Variants in CACNB1 observed in about 807,000 individuals in gnomAD.
CACNB1 encodes voltage-dependent L-type calcium channel subunit beta-1.
A neutral mutation model predicts 71.6 loss-of-function variants in CACNB1; 29 were observed. The observed-to-expected ratio is 0.40, with a 90% CI of 0.30 to 0.55. The LOEUF (loss-of-function observed/expected upper bound fraction) is 0.55, where lower values mean the gene tolerates loss of function less well. Among genes scored for constraint, CACNB1 ranks in the 20% least tolerant of loss-of-function variants. CACNB1 has a pLI of 0.38. For missense variants in CACNB1, 623 were observed against 801.8 expected, an observed-to-expected ratio of 0.78 and a Z score of 2.69; for synonymous variants, 300 against 319.6, an observed-to-expected ratio of 0.94 and a Z score of 0.65.
intron 3 of CACNB1, among the ~76,000 whole-genome samples, chr17:39,188,829 G>A (rs2046004567): frequency 6.6e-6 from 1 of 151,876 alleles, no homozygotes; most frequent in Admixed American, 6.6e-5. Context: ...GATCACTTGA[G>A]GTCAAAAGTT....
chr17:39,186,715 A>T lies in CACNB1; in HGVS notation c.551+78T>A. On this transcript the variant is annotated intron_variant, in intron 5 of 13. Transcript: ENST00000394303. This position sits in a 1 kb window ranked among gnomAD's most constrained non-coding sequence, Gnocchi z 4.1. The stretch of plus-strand genomic sequence containing the variant: ...GCTCTGTGCCCTCAGGGCCAGGGAC[A>T]ACCATTGAGGCCTAGTCCAGGCTGT... 1 of 1,580,264 alleles carries T rather than the reference A, an allele frequency of 6.3e-7. No individual in the cohort carries two copies. The highest frequency in any genetic ancestry group is 8.7e-7 in the Non-Finnish European group (1 of 1,153,542).
intron 4 of CACNB1, chr17:39,187,263 C>G (rs1339173397): frequency 1.6e-6 from 1 of 625,994 alleles, no homozygotes; most frequent in African/African-American, 1.8e-5. Context: ...CCAGTTCAGG[C>G]CCCCTAACAA....
rs758077263 is a variant in CACNB1, at chr17:39,175,563, G to A, written c.1427C>T (p.Pro476Leu). Residue 476 changes from proline (P) to leucine (L), a missense_variant, in exon 14 of 14, where the codon CCA becomes CTA. Coordinates refer to ENST00000394303, the MANE Select transcript of CACNB1 (RefSeq NM_000723.5). The surrounding 1 kb of genome is among the most constrained non-coding windows in gnomAD (Gnocchi z 4.7). ...HEYPGELGQP[P>L]GLYPSSHPPG... is the part of the protein sequence containing the mutation. ...TGGGTGGCTGCTGGGGTAAAGGCCT[G>A]GGGGCTGGCCCAGCTCCCCTGGGTA... is the stretch of plus-strand genomic sequence containing the variant. The A allele has an allele frequency of 6.2e-7, 1 of 1,613,098 alleles. No individual in the cohort carries two copies. Among genetic ancestry groups the A allele is most frequent in the South Asian group, 1.1e-5 (1 of 90,996 alleles).
Position 39,186,153 on chromosome 17 carries a change from A to G in CACNB1, c.628+343T>C. On this transcript the variant is annotated intron_variant, in intron 6 of 13. Transcript: ENST00000394303. This position sits in a 1 kb window ranked among gnomAD's most constrained non-coding sequence, Gnocchi z 4.1. ...GGGAGGAGGGAGGCGAGGTGGGGAG[A>G]AGGAGTGAGATGAACGTGGAGACAC... is the stretch of plus-strand genomic sequence containing the variant. 3 of 1,531,128 alleles carry G rather than the reference A, an allele frequency of 2.0e-6. No individual in the cohort carries two copies. Among genetic ancestry groups the G allele is most frequent in the Non-Finnish European group, 1.8e-6 (2 of 1,108,770 alleles). The allele number at this position is 1,531,128 out of a possible 1,614,324, so 94.8% of individuals were successfully genotyped here.
At position 39,184,839 on chromosome 17, in the gene CACNB1, A is replaced by T. The variant is rs1287196179; in HGVS notation, c.674T>A (p.Val225Glu). The T allele has an allele frequency of 6.5e-7, 1 of 1,538,210 alleles. No individual in the cohort carries two copies. Among genetic ancestry groups the T allele is most frequent in the Non-Finnish European group, 8.9e-7 (1 of 1,117,914 alleles). ...KSTEHVPPYD[V>E]VPSMRPIILV... ...GATGATGGGCCTCATGGAAGGCACC[A>T]CGTCATAGGGGGGCACATGCTCTGT... The change falls in exon 8 of 14, where the codon GTG (valine) becomes GAG (glutamate). Residue 225 changes from valine to glutamate, a missense_variant. By Grantham distance (121) the Val-to-Glu change is moderately radical. Transcript: ENST00000394303.
intron 3 of CACNB1, 27 bp downstream of exon 3, chr17:39,191,447 C>T: frequency 6.3e-7 from 1 of 1,584,542 alleles, no homozygotes; most frequent in African/African-American, 1.4e-5. Flanking sequence ...ATCATGCCAG[C>T]ACAGCCCCTC....
chr17:39,182,563 G>A (rs1035772116), intron 11 of CACNB1, among the ~76,000 whole-genome samples: 5 of 151,552 alleles, frequency 3.3e-5, no homozygotes, highest in Middle Eastern at 6.8e-3. Flanking sequence ...TAGCCGGGCC[G>A]TGGTGGTACA....
In CACNB1 at chr17:39,186,577, G is replaced by A. The variant is rs1411980764; in HGVS notation, c.552-5C>T. 2 of 1,612,790 alleles carry A rather than the reference G, an allele frequency of 1.2e-6. No homozygotes were observed. Among genetic ancestry groups the A allele is most frequent in the East Asian group, 4.5e-5 (2 of 44,892 alleles). On this transcript the variant is annotated splice_polypyrimidine_tract_variant and splice_region_variant and intron_variant, in intron 5 of 13. Transcript: ENST00000394303. This position sits in a 1 kb window ranked among gnomAD's most constrained non-coding sequence, Gnocchi z 4.1. ...CTGGAGTTATCGCCTGATTTGCTGT[G>A]TGGGCAGAGGCAAACCGAGCTTGTG...
Position 39,175,394 on chromosome 17 carries a change from A to T in CACNB1, c.1596T>A (p.Leu532=). 4 of 1,614,160 alleles carry T rather than the reference A, an allele frequency of 2.5e-6. No homozygotes were observed. Among genetic ancestry groups the T allele is most frequent in the Non-Finnish European group, 2.5e-6 (3 of 1,180,020 alleles). The change falls in exon 14 of 14, where the codon CTT becomes CTA. Residue 532 remains leucine (L), a synonymous_variant. Coordinates refer to ENST00000394303, the MANE Select transcript of CACNB1 (RefSeq NM_000723.5). This position sits in a 1 kb window ranked among gnomAD's most constrained non-coding sequence, Gnocchi z 4.7. The part of the protein sequence containing the change: ...METDPSEGPG[L]GDPAGGGTPP... ...GCGTGCCGCCCCCTGCAGGGTCTCCAAGCCCTGGCCCCTCTGAGGGGTCAG... is the reference window on the plus strand; with the variant it reads ...GCGTGCCGCCCCCTGCAGGGTCTCCTAGCCCTGGCCCCTCTGAGGGGTCAG...
At chr17:39,188,707 G>C (rs1381262820) in intron 3 of CACNB1, among the ~76,000 whole-genome samples, 1 of 152,162 alleles carries the variant, frequency 6.6e-6, no homozygotes, top group Non-Finnish European at 1.5e-5. Context: ...GAATGAAAAG[G>C]GTTGGGGGTG....
In CACNB1 at chr17:39,186,547, T is replaced by C; in HGVS notation, c.577A>G (p.Ser193Gly). Reference sequence around the variant, plus strand: ...GTGCCAGTCACCACATCTCCCAGACTGGAACTGGAGTTATCGCCTGATTTG... The same window carrying C: ...GTGCCAGTCACCACATCTCCCAGACCGGAACTGGAGTTATCGCCTGATTTG... Reference protein sequence around the residue: ...SSKSGDNSSSSLGDVVTGTRR... With the variant: ...SSKSGDNSSSGLGDVVTGTRR... Residue 193 changes from serine to glycine, a missense_variant, in exon 6 of 14, where the codon AGT (serine) becomes GGT (glycine). By Grantham distance (56) the Ser-to-Gly change is moderately conservative. Coordinates refer to ENST00000394303, the MANE Select transcript of CACNB1 (RefSeq NM_000723.5). This position sits in a 1 kb window ranked among gnomAD's most constrained non-coding sequence, Gnocchi z 4.1. The C allele has an allele frequency of 3.7e-6, 6 of 1,613,854 alleles. No individual in the cohort carries two copies. The highest frequency in any genetic ancestry group is 5.1e-6 in the Non-Finnish European group (6 of 1,179,844).
intron 7 of CACNB1, 98 bp downstream of exon 7, chr17:39,185,032 TG>T: frequency 3.5e-6 from 4 of 1,136,588 alleles, no homozygotes; most frequent in South Asian, 2.5e-5. Flanking sequence ...CCAGGAAGGG[TG>T]GGGGAAATGG....
chr17:39,177,679 G>C, intron 12 of CACNB1, 144 bp from the exon 13 acceptor site: 1 of 673,540 alleles, frequency 1.5e-6, no homozygotes, highest in Non-Finnish European at 2.5e-6. Context: ...AAGGGAAGGA[G>C]AGCTCTCAGA....
chr17:39,190,947 G>A (rs2046060607), intron 3 of CACNB1, among the ~76,000 whole-genome samples: 1 of 151,878 alleles, frequency 6.6e-6, no homozygotes. Flanking sequence ...GCTCACGCCT[G>A]TAATCCCAGC....
chr17:39,184,718 A>T (rs2045887045), intron 8 of CACNB1, 66 bp downstream of exon 8: 3 of 1,135,068 alleles, frequency 2.6e-6, no homozygotes, highest in Admixed American at 1.7e-5. Flanking sequence ...CTTCTAGGGG[A>T]TCTCTCTGGG....
chr17:39,184,957 C>G lies in CACNB1; in HGVS notation c.649-93G>C, dbSNP rs907771366. On this transcript the variant is annotated intron_variant, in intron 7 of 13. Transcript: ENST00000394303. ...CAGGCTCCCCCATGCAGCCTTCCCCCACCCTGGTCCCAGAGCCCAGATGTA... is the reference window on the plus strand; with the variant it reads ...CAGGCTCCCCCATGCAGCCTTCCCCGACCCTGGTCCCAGAGCCCAGATGTA... The G allele has an allele frequency of 4.7e-5, 50 of 1,053,144 alleles. No homozygotes were observed. In the East Asian group the frequency reaches 9.5e-4, roughly 20 times the overall value. 65.2% of individuals were successfully genotyped at this position (1,053,144 alleles called of 1,614,324 possible).
intron 4 of CACNB1, 135 bp downstream of exon 4, chr17:39,187,344 G>T: frequency 1.0e-6 from 1 of 963,884 alleles, no homozygotes; most frequent in Non-Finnish European, 1.6e-6. Flanking sequence ...GAGGCTCAGA[G>T]AGGTGGAGAG....
chr17:39,193,438 C>T (rs1016789915), intron 2 of CACNB1: 3 of 452,450 alleles, frequency 6.6e-6, no homozygotes, highest in Middle Eastern at 3.3e-4. Flanking sequence ...CCCACTCCAT[C>T]CCCAGCTCAC....
At position 39,175,845 on chromosome 17, in the gene CACNB1, G is replaced by A. The variant is rs1483117263; in HGVS notation, c.1333-188C>T. On this transcript the variant is annotated intron_variant, in intron 13 of 13. Transcript: ENST00000394303. This position sits in a 1 kb window ranked among gnomAD's most constrained non-coding sequence, Gnocchi z 4.7. ...CCAGAGGACAGACCTCAGGGCATTT[G>A]CTCCTCTCTCGGGACAGGGGGCACC... 6.6e-6 allele frequency among the ~76,000 whole-genome samples: 1 copy of A among 152,152 alleles called. No individual in the cohort carries two copies. The highest frequency in any genetic ancestry group is 1.5e-5 in the Non-Finnish European group (1 of 68,020).
Sources: allele counts gnomAD v4.1 joint callset (sites outside exome capture counted in the v4.1 genomes callset), GRCh38; gene constraint gnomAD v4.1.1; non-coding constraint Gnocchi (gnomAD v3.1); transcripts MANE v1.5; gene names NCBI Gene and HGNC (gene_info 2026-07-23, HGNC 2026-07-21).